Variants in DHX40 observed in about 807,000 individuals in gnomAD.
The protein encoded by DHX40 is probable ATP-dependent RNA helicase DHX40.
Under a neutral mutation model 89.6 loss-of-function variants are expected in DHX40, and 28 were observed. The observed-to-expected ratio is 0.31, with a 90% CI of 0.23 to 0.43. The LOEUF is 0.43. Ranked by LOEUF, DHX40 falls within the 20% of genes least tolerant of loss-of-function variation. DHX40 has a pLI of 1.00. For missense variants in DHX40, 457 were observed against 844.0 expected (o/e 0.54, Z 5.68); for synonymous variants, 226 against 283.6 (o/e 0.80, Z 2.04).
At position 59,607,037 on chromosome 17, in the gene DHX40, A is replaced by G. The variant is rs368460502; in HGVS notation, c.2205A>G (p.Gly735=). The G allele has an allele frequency of 1.6e-4, 254 of 1,612,556 alleles. No homozygotes were observed. The highest frequency in any genetic ancestry group is 2.1e-4 in the Non-Finnish European group (244 of 1,179,210). Residue 735 remains glycine, a synonymous_variant, in exon 18 of 18, where the codon GGA becomes GGG. Transcript: ENST00000251241. ...NKENVKQLKD[G]ISKDVLKKMQ... is the part of the protein sequence containing the mutation. Reference sequence around the variant, plus strand: ...ATTAATTTGTAATGTTTTCAGATGGAATATCGAAAGACGTCTTAAAGAAAA... The same window carrying G: ...ATTAATTTGTAATGTTTTCAGATGGGATATCGAAAGACGTCTTAAAGAAAA...
At chr17:59,603,740 T>C (rs2030678895) in intron 15 of DHX40, 1 of 152,186 alleles carries the variant, frequency 6.6e-6, no homozygotes, top group Non-Finnish European at 1.5e-5. Context: ...AAAGTAACTT[T>C]ACAGTGGAGA....
At chr17:59,596,741 A>G (rs1452463612) in intron 12 of DHX40, among the ~76,000 whole-genome samples, 1 of 152,180 alleles carries the variant, frequency 6.6e-6, no homozygotes, top group Non-Finnish European at 1.5e-5. Context: ...CTACCTAGGT[A>G]ACATAGTTGG....
intron 17 of DHX40, 150 bp downstream of exon 17, chr17:59,605,824 G>T (rs1476305900): frequency 1.3e-6 from 1 of 786,506 alleles, no homozygotes; most frequent in Non-Finnish European, 2.1e-6. Flanking sequence ...AATTAGCCAG[G>T]CATGTTGGTG....
intron 12 of DHX40, 85 bp downstream of exon 12, chr17:59,588,138 T>C: frequency 6.4e-7 from 1 of 1,570,006 alleles, no homozygotes; most frequent in Non-Finnish European, 8.6e-7. Flanking sequence ...CCCATCACTT[T>C]GGGAGGGCAA....
intron 15 of DHX40, among the ~76,000 whole-genome samples, chr17:59,602,990 G>C (rs1485601229): frequency 6.6e-6 from 1 of 152,202 alleles, no homozygotes; most frequent in Non-Finnish European, 1.5e-5. Flanking sequence ...GCTTGAGCAA[G>C]GTGGGGAGGG....
rs1364101166 is a variant in DHX40, at chr17:59,577,265, G to C, written c.974-1G>C. 1 of 1,611,848 alleles carries C rather than the reference G, an allele frequency of 6.2e-7. No homozygotes were observed. Among genetic ancestry groups the C allele is most frequent in the Non-Finnish European group, 8.5e-7 (1 of 1,178,334 alleles). ...GTATTTTCTTTTTATATATACTTCA[G>C]ATCAACAGAGGAGGATATTTTTGCC... On this transcript the variant is annotated splice_acceptor_variant, in intron 7 of 17. Coordinates refer to ENST00000251241, the MANE Select transcript of DHX40 (RefSeq NM_024612.5). LOFTEE classifies it high-confidence loss of function.
chr17:59,601,022 G>C (rs997161724), intron 14 of DHX40, among the ~76,000 whole-genome samples: 3 of 151,106 alleles, frequency 2.0e-5, no homozygotes, highest in African/African-American at 4.9e-5. Context: ...CCCCATTCCC[G>C]ACAGTGCATG....
Position 59,566,736 on chromosome 17 carries a change from T to C in DHX40, c.222T>C (p.Val74=). ...TGAGGGACAATTCATTCCTTATTGTTACTGGAAATACAGGAAGTGGTAAAA... is the reference window on the plus strand; with the variant it reads ...TGAGGGACAATTCATTCCTTATTGTCACTGGAAATACAGGAAGTGGTAAAA... ...QAVRDNSFLI[V]TGNTGSGKTT... Residue 74 remains valine, a synonymous_variant, in exon 2 of 18, where the codon GTT becomes GTC. Coordinates refer to ENST00000251241, the MANE Select transcript of DHX40 (RefSeq NM_024612.5). 1.9e-6 allele frequency: 3 copies of C among 1,600,810 alleles called. No homozygotes were observed. The highest frequency in any genetic ancestry group is 2.5e-6 in the Non-Finnish European group (3 of 1,176,930).
chr17:59,577,286 T>G lies in DHX40; in HGVS notation c.994T>G (p.Leu332Val). Residue 332 changes from leucine (L) to valine (V), a missense_variant, in exon 8 of 18, where the codon TTG becomes GTG. Leu to Val is a conservative substitution (Grantham distance 32, BLOSUM62 1). Transcript: ENST00000251241. ...MTTDQQRRIF[L>V]PPPPGIRKCV... is the part of the protein sequence containing the mutation. Reference sequence around the variant, plus strand: ...TTCAGATCAACAGAGGAGGATATTTTTGCCACCACCACCTGGAATTAGAAA... The same window carrying G: ...TTCAGATCAACAGAGGAGGATATTTGTGCCACCACCACCTGGAATTAGAAA... The G allele has an allele frequency of 1.2e-6, 2 of 1,613,788 alleles. No homozygotes were observed. The highest frequency in any genetic ancestry group is 1.7e-6 in the Non-Finnish European group (2 of 1,179,716).
chr17:59,594,015 A>G (rs1411471388), intron 12 of DHX40, among the ~76,000 whole-genome samples: 1 of 151,638 alleles, frequency 6.6e-6, no homozygotes, highest in Non-Finnish European at 1.5e-5. Context: ...TGGTTAGGAG[A>G]CTACTTTCAT....
At chr17:59,586,570 G>T (rs1567877490) in intron 11 of DHX40, among the ~76,000 whole-genome samples, 1 of 151,776 alleles carries the variant, frequency 6.6e-6, no homozygotes, top group Non-Finnish European at 1.5e-5. Flanking sequence ...GGAGGCTGAG[G>T]CAGGAGAATG....
rs1265614378 is a variant in DHX40, at chr17:59,605,152, G to A, written c.1939G>A (p.Gly647Arg). 3 of 1,613,846 alleles carry A rather than the reference G, an allele frequency of 1.9e-6. No homozygotes were observed. In the African/African-American group the frequency reaches 4.0e-5, roughly 22 times the overall value. The stretch of plus-strand genomic sequence containing the variant: ...AACGTTTTGCACAATGGATGGTCGT[G>A]GAAGCCCAGTTCACATTCATCCTTC... ...GRTFCTMDGR[G>R]SPVHIHPSSA... is the part of the protein sequence containing the mutation. The change falls in exon 16 of 18, where the codon GGA becomes AGA. Residue 647 changes from glycine (G) to arginine (R), a missense_variant. Coordinates refer to ENST00000251241, the MANE Select transcript of DHX40 (RefSeq NM_024612.5).
At chr17:59,575,972 C>T (rs1381497307) in intron 7 of DHX40, among the ~76,000 whole-genome samples, 27 of 149,168 alleles carry the variant, frequency 1.8e-4, no homozygotes, top group Middle Eastern at 3.2e-3. Flanking sequence ...CCACTGCAAC[C>T]GCCACCTCCT....
At chr17:59,587,785 T>C (rs1231134970) in intron 11 of DHX40, 111 bp from the exon 12 acceptor site, 2 of 1,439,476 alleles carry the variant, frequency 1.4e-6, no homozygotes, top group East Asian at 4.6e-5. Context: ...ATTGAACTTC[T>C]GGAGGTGATT....
chr17:59,604,781 T>G, intron 15 of DHX40: 1 of 227,680 alleles, frequency 4.4e-6, no homozygotes, highest in Non-Finnish European at 8.8e-6. Flanking sequence ...GCTGGTGATC[T>G]TGAGAAGTCT....
chr17:59,589,016 C>G (rs1567881430), intron 12 of DHX40, among the ~76,000 whole-genome samples: 1 of 152,080 alleles, frequency 6.6e-6, no homozygotes, highest in Admixed American at 6.6e-5. Flanking sequence ...TTTCTGGGCT[C>G]TGTATCTTGT....
At chr17:59,591,931 G>A (rs1380313232) in intron 12 of DHX40, among the ~76,000 whole-genome samples, 3 of 151,890 alleles carry the variant, frequency 2.0e-5, no homozygotes, top group Middle Eastern at 3.4e-3. Context: ...TGCAGTGGTG[G>A]GATCATGGCT....
At chr17:59,575,634 C>G in intron 7 of DHX40, 163 bp downstream of exon 7, 1 of 617,662 alleles carries the variant, frequency 1.6e-6, no homozygotes, top group Admixed American at 2.3e-5. Flanking sequence ...TCAGTGAGAA[C>G]CAGCATTCCT....
chr17:59,596,926 A>G lies in DHX40; in HGVS notation c.1583-1811A>G, dbSNP rs577047953. Among the ~76,000 whole-genome samples the G allele has an allele frequency of 6.3e-3, 951 of 151,022 alleles. 3 individuals carry two copies. The highest frequency in any genetic ancestry group is 0.022 in the African/African-American group (889 of 41,118). On this transcript the variant is annotated intron_variant, in intron 12 of 17. Transcript: ENST00000251241. Reference sequence around the variant, plus strand: ...TGTGCCTCTGCTAGATCTAGCTGTGATAGGTATAGGGAATAGGAATTGTGA... The same window carrying G: ...TGTGCCTCTGCTAGATCTAGCTGTGGTAGGTATAGGGAATAGGAATTGTGA...
Sources: gnomAD v4.1 joint callset for allele counts (sites outside exome capture counted in the v4.1 genomes callset) on GRCh38, gnomAD v4.1.1 for gene constraint, MANE v1.5 for transcripts, NCBI Gene and HGNC (gene_info 2026-07-23, HGNC 2026-07-21) for gene names.